Variants in COBLL1 observed in about 807,000 individuals in gnomAD.
COBLL1 encodes the protein cordon-bleu protein-like 1.
COBLL1 carries 50 observed loss-of-function variants against 94.8 expected under a neutral mutation model. The observed-to-expected ratio is 0.53, with a 90% CI of 0.42 to 0.67. COBLL1 has a LOEUF of 0.67. Ranked by LOEUF, COBLL1 falls within the 30% of genes least tolerant of loss-of-function variation. COBLL1 has a pLI of 0.00. For synonymous variants in COBLL1, 448 were observed against 473.8 expected (o/e 0.95, Z 0.71); for missense variants, 1,362 against 1,348.7 (o/e 1.01, Z -0.15).
chr2:164,835,543 A>G (rs1187060103), intron 2 of COBLL1, among the ~76,000 whole-genome samples: 1 of 152,170 alleles, frequency 6.6e-6, no homozygotes, highest in Non-Finnish European at 1.5e-5. Context: ...CAGTTTTGCC[A>G]GATGGAAGGA....
rs115476637 is a variant in COBLL1 at position 164,759,759 on chromosome 2, C to T, written c.42-15884G>A. Reference sequence around the variant, plus strand: ...CATGAGATGGAAAAAGGTGTAAACTCGTTACCAACGAGGGTACACGAATGG... The same window carrying T: ...CATGAGATGGAAAAAGGTGTAAACTTGTTACCAACGAGGGTACACGAATGG... On this transcript the variant is annotated intron_variant, in intron 2 of 13. Coordinates refer to ENST00000652658, the MANE Select transcript of COBLL1 (RefSeq NM_001365672.2). 7.9e-4 allele frequency among the ~76,000 whole-genome samples: 121 copies of T among 152,260 alleles called. 1 individual carries two copies. Among genetic ancestry groups the T allele is most frequent in the African/African-American group, 2.9e-3 (119 of 41,546 alleles).
At chr2:164,658,667 A>G (rs1410214418) in intron 2 of COBLL1, among the ~76,000 whole-genome samples, 3 of 152,196 alleles carry the variant, frequency 2.0e-5, no homozygotes, top group Non-Finnish European at 4.4e-5. Flanking sequence ...GATGGGTGCT[A>G]TCAATGCCTA....
intron 2 of COBLL1, among the ~76,000 whole-genome samples, chr2:164,828,909 C>A (rs1341512407): frequency 6.6e-6 from 1 of 152,084 alleles, no homozygotes; most frequent in Admixed American, 6.5e-5. Flanking sequence ...TTGGACGGTG[C>A]TAGTTTAGAA....
intron 2 of COBLL1, among the ~76,000 whole-genome samples, chr2:164,797,229 T>G (rs539316733): frequency 1.3e-5 from 2 of 152,342 alleles, no homozygotes; most frequent in Admixed American, 6.5e-5. Context: ...ATGTTGGGCT[T>G]CCCTGATGGC....
chr2:164,788,944 G>A (rs1474718003), intron 2 of COBLL1, among the ~76,000 whole-genome samples: 1 of 151,818 alleles, frequency 6.6e-6, no homozygotes, highest in African/African-American at 2.4e-5. Context: ...TGTAAAGTGA[G>A]TGGAATTTCT....
chr2:164,658,959 C>T (rs575017946), intron 2 of COBLL1, among the ~76,000 whole-genome samples: 81 of 152,214 alleles, frequency 5.3e-4, no homozygotes, highest in African/African-American at 1.9e-3. Context: ...CCTTTCCCTT[C>T]CTTTCTGATG....
chr2:164,703,731 T>C (rs1008657771), intron 9 of COBLL1: 3 of 325,326 alleles, frequency 9.2e-6, no homozygotes, highest in Non-Finnish European at 1.8e-5. Flanking sequence ...TTTTTATACT[T>C]ACAGAATTAT....
chr2:164,673,714 C>A (rs1447554188), intron 1 of COBLL1, among the ~76,000 whole-genome samples: 1 of 152,020 alleles, frequency 6.6e-6, no homozygotes, highest in Non-Finnish European at 1.5e-5. Context: ...TCAGTGAATT[C>A]ACTTCACAGG....
chr2:164,760,033 G>C (rs1373157876), intron 2 of COBLL1, among the ~76,000 whole-genome samples: 1 of 152,152 alleles, frequency 6.6e-6, no homozygotes, highest in Non-Finnish European at 1.5e-5. Flanking sequence ...GTATGACCCA[G>C]TAATCTACTC....
At chr2:164,679,750 G>A (rs374748148), downstream of COBLL1, among the ~76,000 whole-genome samples, 286 of 150,684 alleles carry the variant, frequency 1.9e-3, 2 homozygotes, top group South Asian at 0.022. Context: ...CATGGACACA[G>A]GGAAGGGAAC....
Position 164,743,844 on chromosome 2 carries a change from G to A in COBLL1, c.73C>T (p.Pro25Ser). 2 of 1,578,404 alleles carry A rather than the reference G, an allele frequency of 1.3e-6. No homozygotes were observed. The highest frequency in any genetic ancestry group is 2.3e-5 in the East Asian group (1 of 43,972). Reference sequence around the variant, plus strand: ...ACATCAGTATATTTGGTCTCAGCTGGAGGAAGTGGTGCCTTGGCTTTTGGT... The same window carrying A: ...ACATCAGTATATTTGGTCTCAGCTGAAGGAAGTGGTGCCTTGGCTTTTGGT... ...RKPKAKAPLP[P>S]AETKYTDVSS... Residue 25 changes from proline (P) to serine (S), a missense_variant, in exon 3 of 14, where the codon CCA becomes TCA. Coordinates refer to ENST00000652658, the MANE Select transcript of COBLL1 (RefSeq NM_001365672.2).
At chr2:164,749,670 A>T (rs1687031922) in intron 2 of COBLL1, among the ~76,000 whole-genome samples, 1 of 152,212 alleles carries the variant, frequency 6.6e-6, no homozygotes. Flanking sequence ...ACAATTAAAA[A>T]CAATAAAGCC....
chr2:164,809,708 T>C (rs1684366532), intron 2 of COBLL1, among the ~76,000 whole-genome samples: 2 of 152,004 alleles, frequency 1.3e-5, no homozygotes, highest in South Asian at 4.1e-4. Flanking sequence ...TAAAATAATT[T>C]GTTTTGAAAC....
intron 2 of COBLL1, among the ~76,000 whole-genome samples, chr2:164,819,320 C>G (rs2105358044): frequency 6.6e-6 from 1 of 151,846 alleles, no homozygotes; most frequent in East Asian, 1.9e-4. Flanking sequence ...ATAAAGTCAA[C>G]AAGAGAAGAA....
intron 2 of COBLL1, among the ~76,000 whole-genome samples, chr2:164,812,665 C>CCT (rs1187758094): frequency 3.3e-5 from 5 of 151,946 alleles, no homozygotes; most frequent in African/African-American, 1.2e-4. Context: ...TCTTAGCACC[C>CCT]CTCTCTGAGT....
In COBLL1 at chr2:164,780,428, A is replaced by T. The variant is rs191609378; in HGVS notation, c.42-36553T>A. Among the ~76,000 whole-genome samples, 8 of 152,284 alleles carry T rather than the reference A, an allele frequency of 5.3e-5. No homozygotes were observed. In the East Asian group the frequency reaches 1.5e-3, roughly 29 times the overall value. On this transcript the variant is annotated intron_variant, in intron 2 of 13. Transcript: ENST00000652658. ...TTTATAAAAATTATTGGCCAACTTA[A>T]AGACATATGTTCTTTTTTTTTAAGG... is the stretch of plus-strand genomic sequence containing the variant.
chr2:164,672,439 C>T (rs1691255942), intron 1 of COBLL1, among the ~76,000 whole-genome samples: 2 of 152,098 alleles, frequency 1.3e-5, no homozygotes, highest in South Asian at 4.2e-4. Context: ...TGGCTCACGC[C>T]TGTAATCCCA....
intron 1 of COBLL1, among the ~76,000 whole-genome samples, chr2:164,669,349 A>G (rs1345537248): frequency 6.6e-6 from 1 of 152,246 alleles, no homozygotes; most frequent in Non-Finnish European, 1.5e-5. Context: ...GGATGAGATC[A>G]AGTGTAAAAA....
intron 2 of COBLL1, among the ~76,000 whole-genome samples, chr2:164,828,176 C>T (rs186362008): frequency 2.6e-4 from 39 of 152,306 alleles, no homozygotes; most frequent in African/African-American, 7.0e-4. Flanking sequence ...AGTAATTTGT[C>T]TCCATCTCCA....
Sources: allele counts gnomAD v4.1 joint callset (sites outside exome capture counted in the v4.1 genomes callset), GRCh38; gene constraint gnomAD v4.1.1; transcripts MANE v1.5; gene names NCBI Gene and HGNC (gene_info 2026-07-23, HGNC 2026-07-21).